TMEM123: variants seen among roughly 807,000 people sequenced by gnomAD.
TMEM123 encodes the protein transmembrane protein 123, also known as porimin.
TMEM123 carries 16 observed loss-of-function variants against 19.7 expected under a neutral mutation model. The observed-to-expected ratio is 0.81, with a 90% CI of 0.55 to 1.23. TMEM123 has a LOEUF of 1.23. Ranked by LOEUF, TMEM123 falls within the 50% of genes most tolerant of loss-of-function variation. The probability of loss-of-function intolerance (pLI) is 0.00; values close to 1 mark genes in which losing one functional copy is unlikely to be tolerated. For missense variants in TMEM123, 313 were observed against 257.8 expected (o/e 1.21, Z -1.47); for synonymous variants, 118 against 99.4 (o/e 1.19, Z -1.12).
At chr11:102,448,249 T>C (rs1773000465) in intron 2 of TMEM123, 1 of 456,268 alleles carries the variant, frequency 2.2e-6, no homozygotes, top group Non-Finnish European at 4.4e-6. Context: ...GATGATTTAC[T>C]ACTGATATTG....
chr11:102,416,929 TA>T (rs1952048010), intron 2 of TMEM123, among the ~76,000 whole-genome samples: 1 of 152,162 alleles, frequency 6.6e-6, no homozygotes, highest in Non-Finnish European at 1.5e-5. Flanking sequence ...AGGCTTTTAA[TA>T]AAATTCAAAA....
intron 2 of TMEM123, among the ~76,000 whole-genome samples, chr11:102,413,919 A>G (rs1038026675): frequency 6.6e-6 from 1 of 152,258 alleles, no homozygotes; most frequent in Non-Finnish European, 1.5e-5. Context: ...ACAAAGATCA[A>G]GATTCAGGAC....
At chr11:102,445,180 C>T (rs1441387617) in intron 2 of TMEM123, among the ~76,000 whole-genome samples, 2 of 152,168 alleles carry the variant, frequency 1.3e-5, no homozygotes, top group East Asian at 1.9e-4. Context: ...AAAAAAATTA[C>T]CATCAATTTT....
intron 2 of TMEM123, among the ~76,000 whole-genome samples, chr11:102,426,777 T>C (rs1376821730): frequency 7.0e-6 from 1 of 143,192 alleles, no homozygotes; most frequent in African/African-American, 2.6e-5. Context: ...GTTGCTGCTG[T>C]TTAACAATGA....
At chr11:102,431,980 C>T (rs1376959350) in intron 2 of TMEM123, among the ~76,000 whole-genome samples, 1 of 152,198 alleles carries the variant, frequency 6.6e-6, no homozygotes, top group Non-Finnish European at 1.5e-5. Context: ...TTTCCTGAAG[C>T]CTTCCCTAGC....
At chr11:102,402,439 A>C (rs1951922275) in intron 2 of TMEM123, among the ~76,000 whole-genome samples, 1 of 151,978 alleles carries the variant, frequency 6.6e-6, no homozygotes, top group Non-Finnish European at 1.5e-5. Context: ...ATTTTGGGGA[A>C]GATATGAAGA....
intron 2 of TMEM123, among the ~76,000 whole-genome samples, chr11:102,409,858 C>A (rs1258398298): frequency 2.0e-5 from 3 of 151,324 alleles, no homozygotes; most frequent in African/African-American, 7.3e-5. Flanking sequence ...GAGCAAGACT[C>A]CGTCACAAAC....
chr11:102,444,747 T>G (rs1206879090), intron 2 of TMEM123, among the ~76,000 whole-genome samples: 1 of 151,928 alleles, frequency 6.6e-6, no homozygotes, highest in Non-Finnish European at 1.5e-5. Context: ...CTATTCACAA[T>G]AGCAAAGACT....
At position 102,448,695 on chromosome 11, in the gene TMEM123, G is replaced by A. The variant is rs548468904; in HGVS notation, c.157+117C>T. On this transcript the variant is annotated intron_variant, in intron 2 of 4. Transcript: ENST00000398136. ...GGGCAGGTTATTGGGATTCATGGGT[G>A]AAGAACTCAGGGTTAAAACAGGTCA... 150 of 914,492 alleles carry A rather than the reference G, an allele frequency of 1.6e-4. No individual in the cohort carries two copies. The African/African-American group carries it at 2.4e-3, about 14-fold the overall frequency. 56.6% of individuals were successfully genotyped at this position (914,492 alleles called of 1,614,324 possible). A position where few individuals can be genotyped will look rare whatever the true frequency, so the allele number is the denominator to read the frequency against.
At chr11:102,440,544 A>T (rs1208326361) in intron 2 of TMEM123, among the ~76,000 whole-genome samples, 1 of 152,238 alleles carries the variant, frequency 6.6e-6, no homozygotes, top group East Asian at 1.9e-4. Context: ...AGAGCTCCTA[A>T]AGGAAGCACT....
Position 102,414,171 on chromosome 11 carries a change from A to G in TMEM123, c.158-11965T>C, listed in dbSNP as rs144931104. On this transcript the variant is annotated intron_variant, in intron 2 of 4. Coordinates refer to ENST00000398136, the MANE Select transcript of TMEM123 (RefSeq NM_052932.3). ...AAACAAAAAAGAATGAAAAGAAATG[A>G]AGATAACTTCCTAGAAATATGGGAT... Among the ~76,000 whole-genome samples the G allele has an allele frequency of 5.9e-3, 901 of 152,218 alleles. 9 individuals are homozygous for G. Among genetic ancestry groups the G allele is most frequent in the Middle Eastern group, 0.027 (8 of 294 alleles).
rs144195634 is a variant in TMEM123, at chr11:102,442,120, G to C, written c.157+6692C>G. Among the ~76,000 whole-genome samples, 827 of 152,276 alleles carry C rather than the reference G, an allele frequency of 5.4e-3. 4 individuals carry two copies. The highest frequency in any genetic ancestry group is 9.3e-3 in the Non-Finnish European group (633 of 68,032). On this transcript the variant is annotated intron_variant, in intron 2 of 4. Coordinates refer to ENST00000398136, the MANE Select transcript of TMEM123 (RefSeq NM_052932.3). ...GATTCATAGCCGAATTCTACCAGAG[G>C]TACAAAGAGGAGCTGGTAGCACTCC... is the stretch of plus-strand genomic sequence containing the variant.
intron 2 of TMEM123, among the ~76,000 whole-genome samples, chr11:102,427,760 C>A (rs532095775): frequency 1.5e-3 from 229 of 150,956 alleles, no homozygotes; most frequent in Non-Finnish European, 2.8e-3. Context: ...ATCACTGGAA[C>A]CCGGGAGGCA....
At chr11:102,447,945 C>T (rs1270633485) in intron 2 of TMEM123, among the ~76,000 whole-genome samples, 1 of 152,156 alleles carries the variant, frequency 6.6e-6, no homozygotes, top group Non-Finnish European at 1.5e-5. Flanking sequence ...CTGCCACTGA[C>T]CTTTACACTT....
chr11:102,438,182 A>T (rs1857785415), intron 2 of TMEM123, among the ~76,000 whole-genome samples: 2 of 152,036 alleles, frequency 1.3e-5, no homozygotes. Flanking sequence ...CCTCCTAAGT[A>T]GCTGGGATCA....
chr11:102,438,639 T>A (rs1025516518), intron 2 of TMEM123, among the ~76,000 whole-genome samples: 1 of 152,212 alleles, frequency 6.6e-6, no homozygotes, highest in Admixed American at 6.5e-5. Context: ...GATGGCCGAA[T>A]AGGAACAGCT....
At chr11:102,414,625 ATTCAT>A (rs1394462656) in intron 2 of TMEM123, among the ~76,000 whole-genome samples, 1 of 152,232 alleles carries the variant, frequency 6.6e-6, no homozygotes, top group Non-Finnish European at 1.5e-5. Context: ...GAAAAATAAA[ATTCAT>A]TTCAGACAAG....
chr11:102,422,944 T>A (rs1007996708), intron 2 of TMEM123, among the ~76,000 whole-genome samples: 1 of 152,158 alleles, frequency 6.6e-6, no homozygotes, highest in African/African-American at 2.4e-5. Flanking sequence ...ATAAAACATG[T>A]TAGTACACAT....
intron 1 of TMEM123, chr11:102,449,088 C>T (rs1282671312): frequency 2.1e-6 from 1 of 478,594 alleles, no homozygotes; most frequent in Non-Finnish European, 3.9e-6. Context: ...ATCTAGCTTA[C>T]ATAACAAACA....
Sources: gnomAD v4.1 joint callset for allele counts (sites outside exome capture counted in the v4.1 genomes callset) on GRCh38, gnomAD v4.1.1 for gene constraint, MANE v1.5 for transcripts, NCBI Gene and HGNC (gene_info 2026-07-23, HGNC 2026-07-21) for gene names.